Variants in NFE2L2 observed in about 807,000 individuals in gnomAD.
NFE2L2 encodes NFE2 like bZIP transcription factor 2, also known as nuclear factor erythroid 2-related factor 2.
Under a neutral mutation model 49.6 loss-of-function variants are expected in NFE2L2, and 20 were observed. The observed-to-expected ratio is 0.40, with a 90% CI of 0.28 to 0.59. NFE2L2 has a LOEUF of 0.59. NFE2L2 is among the 20% of genes least tolerant of loss of function. The pLI is 0.40. For synonymous variants in NFE2L2, 244 were observed against 256.5 expected, an observed-to-expected ratio of 0.95 and a Z score of 0.47; for missense variants, 578 against 714.2, an observed-to-expected ratio of 0.81 and a Z score of 2.17.
At chr2:177,245,685 C>A (rs970589359) in intron 1 of NFE2L2, among the ~76,000 whole-genome samples, 4 of 152,058 alleles carry the variant, frequency 2.6e-5, no homozygotes, top group African/African-American at 9.7e-5. Context: ...TCTCAGCTCA[C>A]TGCAACCTCC....
chr2:177,259,762 C>T (rs866051644), intron 1 of NFE2L2, among the ~76,000 whole-genome samples: 2 of 152,058 alleles, frequency 1.3e-5, no homozygotes, highest in Admixed American at 6.6e-5. Context: ...GAAACCCCAT[C>T]TCTACTAAAA....
At chr2:177,244,799 G>A (rs1690067077) in intron 1 of NFE2L2, among the ~76,000 whole-genome samples, 1 of 152,062 alleles carries the variant, frequency 6.6e-6, no homozygotes, top group South Asian at 2.1e-4. Flanking sequence ...GAGGTCAGGA[G>A]ATGGAGACCA....
At chr2:177,236,993 T>C (rs1403648316) in intron 1 of NFE2L2, among the ~76,000 whole-genome samples, 1 of 152,114 alleles carries the variant, frequency 6.6e-6, no homozygotes, top group African/African-American at 2.4e-5. Flanking sequence ...GCCTCCCAAG[T>C]AGCTGGGACT....
Position 177,231,244 on chromosome 2 carries a change from A to T in NFE2L2, c.1359T>A (p.His453Gln). 1 of 1,614,228 alleles carries T rather than the reference A, an allele frequency of 6.2e-7. No homozygotes were observed. The highest frequency in any genetic ancestry group is 8.5e-7 in the Non-Finnish European group (1 of 1,180,046). Residue 453 changes from histidine to glutamine, a missense_variant, in exon 5 of 5, where the codon CAT becomes CAA. Physicochemically the swap from His to Gln is conservative, Grantham distance 24 (BLOSUM62 0). Coordinates refer to ENST00000397062, the MANE Select transcript of NFE2L2 (RefSeq NM_006164.5). ...KDKHSSRLEA[H>Q]LTRDELRAKA... ...TTGCCCTAAGTTCATCTCTTGTGAG[A>T]TGAGCCTCCAAGCGGCTTGAATGTT...
In NFE2L2 at chr2:177,231,606, G is replaced by A; in HGVS notation, c.997C>T (p.Pro333Ser). ...TCATTGAATTCTGCTGTGCTTTCAG[G>A]GTGGTTTTGGTTGAAAGCTTTGCAA... ...SLCKAFNQNH[P>S]ESTAEFNDSD... Residue 333 changes from proline to serine, a missense_variant, in exon 5 of 5, where the codon CCT becomes TCT. This residue lies in a region of NFE2L2 where 368 missense variants were observed against 384.6 expected (regional missense o/e 0.96). Coordinates refer to ENST00000397062, the MANE Select transcript of NFE2L2 (RefSeq NM_006164.5). The A allele has an allele frequency of 6.2e-7, 1 of 1,614,166 alleles. No individual in the cohort carries two copies. Among genetic ancestry groups the A allele is most frequent in the Non-Finnish European group, 8.5e-7 (1 of 1,180,034 alleles).
chr2:177,264,146 C>A (rs1051766705), intron 1 of NFE2L2, among the ~76,000 whole-genome samples: 2 of 152,022 alleles, frequency 1.3e-5, no homozygotes, highest in Non-Finnish European at 2.9e-5. Context: ...CGCGCCGGCT[C>A]AGACGGCCAG....
At position 177,263,357 on chromosome 2, in the gene NFE2L2, C is replaced by T. The variant is rs1242821234; in HGVS notation, c.45+1175G>A. ...ATAGCTGAAAGCAAAAAATTACTAA[C>T]AGACTAAAAGCAACAGAAATTCTAA... On this transcript the variant is annotated intron_variant, in intron 1 of 4. Transcript: ENST00000397062. 1.5e-5 allele frequency: 15 copies of T among 985,248 alleles called. No homozygotes were observed. The African/African-American group carries it at 2.6e-4, about 17-fold the overall frequency. The allele number at this position is 985,248 out of a possible 1,614,324, so 61.0% of individuals were successfully genotyped here.
chr2:177,239,725 C>T (rs537433111), intron 1 of NFE2L2, among the ~76,000 whole-genome samples: 1 of 151,854 alleles, frequency 6.6e-6, no homozygotes, highest in East Asian at 1.9e-4. Flanking sequence ...GGTCTCAAAA[C>T]AAAACAAAAC....
intron 1 of NFE2L2, among the ~76,000 whole-genome samples, chr2:177,260,865 A>T (rs1428574467): frequency 1.3e-5 from 2 of 152,196 alleles, no homozygotes; most frequent in African/African-American, 2.4e-5. Flanking sequence ...AGAAATTTTT[A>T]AAACTATTAT....
chr2:177,237,240 T>C (rs1255126382), intron 1 of NFE2L2, among the ~76,000 whole-genome samples: 1 of 152,182 alleles, frequency 6.6e-6, no homozygotes, highest in Non-Finnish European at 1.5e-5. Context: ...CGACTGTATA[T>C]ACACTTGGCT....
At chr2:177,244,411 C>T (rs1435284581) in intron 1 of NFE2L2, among the ~76,000 whole-genome samples, 3 of 151,996 alleles carry the variant, frequency 2.0e-5, no homozygotes, top group Non-Finnish European at 4.4e-5. Context: ...ATCCATCTAC[C>T]CATCAGATAC....
intron 1 of NFE2L2, among the ~76,000 whole-genome samples, chr2:177,237,666 G>A (rs1468523507): frequency 4.6e-5 from 7 of 152,096 alleles, no homozygotes; most frequent in South Asian, 2.1e-4. Context: ...TTACAGGTGC[G>A]TGCCACCATG....
chr2:177,248,158 C>A (rs1015719110), intron 1 of NFE2L2, among the ~76,000 whole-genome samples: 4 of 152,172 alleles, frequency 2.6e-5, no homozygotes, highest in Admixed American at 2.6e-4. Context: ...GCTAAATGGG[C>A]AACTGGCCCC....
intron 1 of NFE2L2, 167 bp downstream of exon 1, chr2:177,264,365 C>T: frequency 3.2e-6 from 2 of 618,594 alleles, no homozygotes; most frequent in East Asian, 7.1e-5. Context: ...GCTGCCCCTC[C>T]CCGCCCTGCC....
chr2:177,233,849 G>A, intron 2 of NFE2L2, 156 bp downstream of exon 2: 1 of 895,264 alleles, frequency 1.1e-6, no homozygotes, highest in Non-Finnish European at 1.7e-6. Flanking sequence ...CTCAGGTTAG[G>A]TACTGAACTC....
intron 1 of NFE2L2, among the ~76,000 whole-genome samples, chr2:177,252,732 C>G (rs1690388614): frequency 6.6e-6 from 1 of 152,160 alleles, no homozygotes; most frequent in African/African-American, 2.4e-5. Flanking sequence ...AACGGAGGCT[C>G]TAAAAAGTTA....
intron 1 of NFE2L2, among the ~76,000 whole-genome samples, chr2:177,237,493 A>C (rs566997399): frequency 5.3e-5 from 8 of 152,348 alleles, no homozygotes; most frequent in African/African-American, 1.9e-4. Flanking sequence ...GGGAGACAGA[A>C]AATTCAAAGG....
At chr2:177,260,621 T>C (rs1386982732) in intron 1 of NFE2L2, among the ~76,000 whole-genome samples, 1 of 152,202 alleles carries the variant, frequency 6.6e-6, no homozygotes, top group Non-Finnish European at 1.5e-5. Flanking sequence ...TTCCCCATTC[T>C]GCTCTCTTTC....
chr2:177,264,433 G>T (rs1230535242), intron 1 of NFE2L2, 99 bp downstream of exon 1: 2 of 1,286,962 alleles, frequency 1.6e-6, no homozygotes, highest in South Asian at 1.4e-5. Context: ...GCCAGACGTG[G>T]GGGAAGCCGG....
Sources: allele counts gnomAD v4.1 joint callset (sites outside exome capture counted in the v4.1 genomes callset), GRCh38; gene constraint gnomAD v4.1.1; regional missense constraint gnomAD v4.1.1; transcripts MANE v1.5; gene names NCBI Gene and HGNC (gene_info 2026-07-23, HGNC 2026-07-21).